DIP2A: variants seen among roughly 807,000 people sequenced by gnomAD.
The protein encoded by DIP2A is disco-interacting protein 2 homolog A.
DIP2A carries 85 observed loss-of-function variants against 177.4 expected under a neutral mutation model. The ratio of observed to expected loss-of-function variants is 0.48; its 90% CI spans 0.40 to 0.57. The LOEUF is 0.57. Among genes scored for constraint, DIP2A ranks in the 20% least tolerant of loss-of-function variants. DIP2A has a pLI of 0.00. For missense variants in DIP2A, 1,791 were observed against 2,100.2 expected, an observed-to-expected ratio of 0.85 and a Z score of 2.88; for synonymous variants, 886 against 881.8, an observed-to-expected ratio of 1.00 and a Z score of -0.08.
chr21:46,529,467 G>A (rs61013937), intron 9 of DIP2A, among the ~76,000 whole-genome samples: 11,513 of 152,052 alleles, frequency 0.076, 1,070 homozygotes, highest in African/African-American at 0.23. Flanking sequence ...TGGGCGTGGT[G>A]GTGCGTGCCT....
intron 6 of DIP2A, among the ~76,000 whole-genome samples, chr21:46,506,997 G>A (rs2058048877): frequency 6.6e-6 from 1 of 151,472 alleles, no homozygotes; most frequent in African/African-American, 2.4e-5. Flanking sequence ...GACCAGGCTG[G>A]TCTTGAACTC....
chr21:46,573,882 G>A (rs2060980522), downstream of DIP2A, among the ~76,000 whole-genome samples: 1 of 151,882 alleles, frequency 6.6e-6, no homozygotes, highest in South Asian at 2.1e-4. Flanking sequence ...AGGGAGAAAG[G>A]AGAAATAGAC....
In DIP2A at chr21:46,569,991, A is replaced by C. The variant is rs1413800689; in HGVS notation, c.*2369A>C. On this transcript the variant is annotated 3_prime_UTR_variant, in exon 38 of 38. Transcript: ENST00000417564. ...TTTTAAATAATTTGCTTTTGTACTT[A>C]ATAAATTATAGACTTTAAAATCTAT... The C allele has an allele frequency of 6.6e-6, 1 of 152,250 alleles. No homozygotes were observed. The highest frequency in any genetic ancestry group is 1.5e-5 in the Non-Finnish European group (1 of 68,042). The allele number at this position is 152,250 out of a possible 1,614,324, so 9.4% of individuals were successfully genotyped here.
intron 35 of DIP2A, among the ~76,000 whole-genome samples, chr21:46,564,589 C>T (rs928957929): frequency 6.6e-6 from 1 of 152,194 alleles, no homozygotes; most frequent in Non-Finnish European, 1.5e-5. Context: ...AGCATAAGGA[C>T]TCACGTTCCT....
At chr21:46,578,669 ATG>A in the DIP2A span, among the ~76,000 whole-genome samples, 1 of 152,112 alleles carries the variant, frequency 6.6e-6, no homozygotes, top group African/African-American at 2.4e-5. Flanking sequence ...ATGTGAAGGG[ATG>A]TTGAATTTTA....
At chr21:46,566,486 G>T in intron 36 of DIP2A, 74 bp from the exon 37 acceptor site, 3 of 1,596,976 alleles carry the variant, frequency 1.9e-6, no homozygotes, top group Non-Finnish European at 1.7e-6. Context: ...CCCTGGTTGG[G>T]CTCAGAGGAT....
chr21:46,560,956 C>T, intron 33 of DIP2A, 173 bp downstream of exon 33: 1 of 985,362 alleles, frequency 1.0e-6, no homozygotes, highest in Non-Finnish European at 1.2e-6. Flanking sequence ...CTACATTGGG[C>T]CATCTGCACC....
chr21:46,547,102 CTT>C (rs1375356789), intron 21 of DIP2A, 60 bp downstream of exon 21: 53 of 1,587,042 alleles, frequency 3.3e-5, no homozygotes, highest in Non-Finnish European at 4.3e-5. Flanking sequence ...CTCGGGAAGT[CTT>C]TGTGCAGTAG....
chr21:46,577,741 G>A, the DIP2A span, among the ~76,000 whole-genome samples: 2 of 152,110 alleles, frequency 1.3e-5, no homozygotes, highest in African/African-American at 2.4e-5. Context: ...CCATTTTCAC[G>A]ATATTGATTC....
rs1182634725 is a variant in DIP2A, at chr21:46,498,044, G to T, written c.404-538G>T. ...TCTCGGAGAAGGAATTGTTTTTAGG[G>T]CTAGTTCACATGACTCCCCTGAAAG... On this transcript the variant is annotated intron_variant, in intron 4 of 37. Coordinates refer to ENST00000417564, the MANE Select transcript of DIP2A (RefSeq NM_015151.4). This position sits in a 1 kb window ranked among gnomAD's most constrained non-coding sequence, Gnocchi z 4.3. Among the ~76,000 whole-genome samples the T allele has an allele frequency of 6.6e-6, 1 of 152,176 alleles. No individual in the cohort carries two copies. Among genetic ancestry groups the T allele is most frequent in the Non-Finnish European group, 1.5e-5 (1 of 68,032 alleles).
At position 46,558,200 on chromosome 21, in the gene DIP2A, C is replaced by G. The variant is rs1163370071; in HGVS notation, c.3799-23C>G. On this transcript the variant is annotated intron_variant, in intron 31 of 37. Coordinates refer to ENST00000417564, the MANE Select transcript of DIP2A (RefSeq NM_015151.4). ...CAACTCACTGAGCTGTGGCCGTGGC[C>G]TGACCGCTCACCCCTCCCGCAGATG... The G allele has an allele frequency of 4.4e-6, 7 of 1,598,320 alleles. No homozygotes were observed. In the African/African-American group the frequency reaches 5.4e-5, roughly 12 times the overall value.
chr21:46,559,578 C>T (rs960036377), intron 32 of DIP2A, among the ~76,000 whole-genome samples: 6 of 152,204 alleles, frequency 3.9e-5, no homozygotes, highest in Non-Finnish European at 7.3e-5. Context: ...TGTGGCTGAG[C>T]GTGGGTGCCG....
intron 11 of DIP2A, 94 bp downstream of exon 11, chr21:46,533,741 G>C: frequency 1.3e-6 from 2 of 1,549,188 alleles, no homozygotes; most frequent in Non-Finnish European, 1.8e-6. Flanking sequence ...AGAGGTGTCT[G>C]GGTCTTCAGC....
chr21:46,573,888 T>TA (rs556415589), downstream of DIP2A, among the ~76,000 whole-genome samples: 230 of 151,724 alleles, frequency 1.5e-3, no homozygotes, highest in Non-Finnish European at 2.5e-3. Flanking sequence ...AAAGGAGAAA[T>TA]AGACAGTTCT....
At chr21:46,525,282 T>G (rs1191712316) in intron 8 of DIP2A, among the ~76,000 whole-genome samples, 1 of 152,234 alleles carries the variant, frequency 6.6e-6, no homozygotes, top group East Asian at 1.9e-4. Flanking sequence ...TGTTTTACTG[T>G]TCACATTTAG....
chr21:46,504,510 C>G (rs1168372834), intron 6 of DIP2A, 21 bp downstream of exon 6: 2 of 1,588,562 alleles, frequency 1.3e-6, no homozygotes, highest in South Asian at 2.3e-5. Flanking sequence ...CTCTCTTTCT[C>G]CTCGTGAAAT....
At chr21:46,545,501 C>T (rs760219053) in intron 19 of DIP2A, among the ~76,000 whole-genome samples, 1 of 152,190 alleles carries the variant, frequency 6.6e-6, no homozygotes, top group Admixed American at 6.5e-5. Context: ...TGGGAGTCAG[C>T]GTGCTTCCCA....
chr21:46,486,117 G>A (rs1374821761), intron 2 of DIP2A, among the ~76,000 whole-genome samples: 2 of 143,434 alleles, frequency 1.4e-5, no homozygotes, highest in Non-Finnish European at 1.5e-5. Context: ...TATCCAGAAT[G>A]TACCGAGCAG....
chr21:46,555,275 C>G (rs2060424495), intron 28 of DIP2A, among the ~76,000 whole-genome samples: 1 of 152,246 alleles, frequency 6.6e-6, no homozygotes, highest in Non-Finnish European at 1.5e-5. Context: ...TGCCGCCACT[C>G]CAGCATCCCT....
Sources: allele counts gnomAD v4.1 joint callset (sites outside exome capture counted in the v4.1 genomes callset), GRCh38; gene constraint gnomAD v4.1.1; non-coding constraint Gnocchi (gnomAD v3.1); transcripts MANE v1.5; gene names NCBI Gene and HGNC (gene_info 2026-07-23, HGNC 2026-07-21).